Variants in TRPM2 observed in about 807,000 individuals in gnomAD.
TRPM2 encodes the protein estrogen-responsive element-associated gene 1 protein.
In TRPM2, 161 loss-of-function variants were observed where a neutral mutation model predicts 174.0. That is an observed-to-expected ratio of 0.93 (90% CI 0.81 to 1.05). The LOEUF (loss-of-function observed/expected upper bound fraction) is 1.05. TRPM2 is among the 50% of genes least tolerant of loss of function. The pLI, the probability that TRPM2 is intolerant of heterozygous loss-of-function variation, is 0.00. For synonymous variants in TRPM2, 954 were observed against 861.3 expected (o/e 1.11, Z -1.88); for missense variants, 2,057 against 2,038.0 (o/e 1.01, Z -0.18).
At position 44,439,033 on chromosome 21, in the gene TRPM2, CCT is replaced by C; in HGVS notation, c.4168-33_4168-32del. The C allele has an allele frequency of 6.3e-7, 1 of 1,584,886 alleles. No homozygotes were observed. Among genetic ancestry groups the C allele is most frequent in the Non-Finnish European group, 8.6e-7 (1 of 1,158,048 alleles). ...GCAGCCTGAGGTCCCGCTTCGGTGCCCTGTTGACCTGCCTCCGTCCTCTGTCT... is the reference window on the plus strand; with the variant it reads ...GCAGCCTGAGGTCCCGCTTCGGTGCCGTTGACCTGCCTCCGTCCTCTGTCT... On this transcript the variant is annotated intron_variant, in intron 29 of 31. Transcript: ENST00000397928. This position sits in a 1 kb window ranked among gnomAD's most constrained non-coding sequence, Gnocchi z 5.1.
chr21:44,414,004 G>T lies in TRPM2; in HGVS notation c.3076G>T (p.Val1026Phe). The T allele has an allele frequency of 6.2e-7, 1 of 1,613,812 alleles. No homozygotes were observed. Among genetic ancestry groups the T allele is most frequent in the South Asian group, 1.1e-5 (1 of 91,078 alleles). ...GCCGGCCTTCCCTGAGTGGCTGACG[G>T]TCCTCCTACTCTGCCTCTACCTGCT... Reference protein sequence around the residue: ...QRPAFPEWLTVLLLCLYLLFT... With the variant: ...QRPAFPEWLTFLLLCLYLLFT... Residue 1026 changes from valine (V) to phenylalanine (F), a missense_variant, in exon 20 of 32, where the codon GTC becomes TTC. Val to Phe is a conservative substitution (Grantham distance 50). Transcript: ENST00000397928.
intron 27 of TRPM2, among the ~76,000 whole-genome samples, chr21:44,428,733 C>T (rs1488855664): frequency 6.9e-6 from 1 of 145,378 alleles, no homozygotes; most frequent in Non-Finnish European, 1.5e-5. Context: ...AGGTGTGGCT[C>T]CTCCCCTTAG....
intron 2 of TRPM2, among the ~76,000 whole-genome samples, chr21:44,358,360 G>A (rs139434027): frequency 1.4e-5 from 2 of 147,264 alleles, no homozygotes; most frequent in South Asian, 2.1e-4. Flanking sequence ...CACATGCGGT[G>A]GGGGTGGGGA....
chr21:44,423,433 G>A lies in TRPM2; in HGVS notation c.3462-212G>A, dbSNP rs566337397. The A allele has an allele frequency of 5.5e-6, 3 of 547,202 alleles. No homozygotes were observed. The South Asian group carries it at 6.1e-5, about 11-fold the overall frequency. 33.9% of individuals were successfully genotyped at this position (547,202 alleles called of 1,614,324 possible). A position where few individuals can be genotyped will look rare whatever the true frequency, so the allele number is the denominator to read the frequency against. ...AGAGCTTGCCATGTGAGCCTCGGCT[G>A]TCCGTCTGCTGAGACATCTTCCCCT... On this transcript the variant is annotated intron_variant, in intron 22 of 31. Coordinates refer to ENST00000397928, the MANE Select transcript of TRPM2 (RefSeq NM_003307.4).
intron 26 of TRPM2, 85 bp downstream of exon 26, chr21:44,426,821 C>A: frequency 6.4e-7 from 1 of 1,551,310 alleles, no homozygotes. Flanking sequence ...CAGTCAGAGC[C>A]CAGCCCGGGG....
At chr21:44,365,708 C>T (rs1352668684) in intron 3 of TRPM2, among the ~76,000 whole-genome samples, 1 of 152,216 alleles carries the variant, frequency 6.6e-6, no homozygotes, top group Non-Finnish European at 1.5e-5. Flanking sequence ...CCTGCAGCTG[C>T]CGACAGGGGC....
intron 28 of TRPM2, 64 bp from the exon 29 acceptor site, chr21:44,436,990 AGCCCCGCC>A: frequency 1.4e-6 from 2 of 1,394,148 alleles, no homozygotes; most frequent in Non-Finnish European, 2.0e-6. Flanking sequence ...AGGCAGGGCC[AGCCCCGCC>A]GCGGCGCAGG....
upstream of TRPM2, chr21:44,350,307 C>G (rs1381298510): frequency 1.3e-5 from 2 of 150,350 alleles, no homozygotes; most frequent in East Asian, 2.0e-4. Context: ...GGCGAGGGCG[C>G]GAGCCCGGGT....
At position 44,399,298 on chromosome 21, in the gene TRPM2, G is replaced by A. The variant is rs775395064; in HGVS notation, c.2065G>A (p.Val689Ile). The A allele has an allele frequency of 1.2e-6, 2 of 1,612,176 alleles. No homozygotes were observed. The highest frequency in any genetic ancestry group is 2.2e-5 in the East Asian group (1 of 44,872). Residue 689 changes from valine to isoleucine, a missense_variant and splice_region_variant, in exon 14 of 32, where the codon GTC becomes ATC. Val to Ile is a conservative substitution (Grantham distance 29). Coordinates refer to ENST00000397928, the MANE Select transcript of TRPM2 (RefSeq NM_003307.4). This position sits in a 1 kb window ranked among gnomAD's most constrained non-coding sequence, Gnocchi z 4.6. The stretch of plus-strand genomic sequence containing the variant: ...GGGGCTCTCATATCTCCGCCCAGGG[G>A]TCTTCACCGAGTGCTACCGGAAGGA... ...AEEYEHRAIG[V>I]FTECYRKDEE...
chr21:44,400,752 C>A (rs1601156299), intron 15 of TRPM2, among the ~76,000 whole-genome samples: 1 of 32,732 alleles, frequency 3.1e-5, no homozygotes, highest in Non-Finnish European at 1.3e-4. Context: ...CTGAGTGCCT[C>A]CCTGTCCTCG....
chr21:44,381,843 G>A (rs1202760275), intron 8 of TRPM2, among the ~76,000 whole-genome samples: 5 of 151,700 alleles, frequency 3.3e-5, no homozygotes, highest in Admixed American at 1.3e-4. Context: ...GGAGGTGGAG[G>A]TTGCAGTGAC....
rs768286511 is a variant in TRPM2, at chr21:44,377,767, G to A, written c.1008G>A (p.Thr336=). 16 of 1,614,110 alleles carry A rather than the reference G, an allele frequency of 9.9e-6. No homozygotes were observed. Among genetic ancestry groups the A allele is most frequent in the East Asian group, 4.5e-5 (2 of 44,884 alleles). The part of the protein sequence containing the change: ...VCVVLEGGPG[T]LHTIDNATTN... ...TGGTGCTGGAGGGCGGCCCGGGCAC[G>A]TTGCACGTGAGTATGGCCAGGTGGG... Residue 336 remains threonine, a synonymous_variant, in exon 7 of 32, where the codon ACG becomes ACA. Transcript: ENST00000397928.
Position 44,376,066 on chromosome 21 carries a change from C to T in TRPM2, c.952+53C>T, listed in dbSNP as rs530502081. ...TGGGCAGAGAGCACAGTGGGCTGGT[C>T]AGAGTGTCAGGTACAGCTGGTCACG... is the stretch of plus-strand genomic sequence containing the variant. On this transcript the variant is annotated intron_variant, in intron 6 of 31. Transcript: ENST00000397928. The surrounding 1 kb of genome is among the most constrained non-coding windows in gnomAD (Gnocchi z 4.2). 104 of 1,583,264 alleles carry T rather than the reference C, an allele frequency of 6.6e-5. 2 individuals carry two copies. The South Asian group carries it at 1.2e-3, about 18-fold the overall frequency.
chr21:44,386,194 G>A (rs1030665232), intron 9 of TRPM2, among the ~76,000 whole-genome samples: 12 of 152,126 alleles, frequency 7.9e-5, no homozygotes, highest in African/African-American at 2.7e-4. Flanking sequence ...GACCATCCTG[G>A]CTAACATGGT....
At chr21:44,406,519 C>A in intron 18 of TRPM2, 75 bp from the exon 19 acceptor site, 3 of 1,501,052 alleles carry the variant, frequency 2.0e-6, no homozygotes, top group Non-Finnish European at 2.7e-6. Flanking sequence ...GTCTCCACCG[C>A]TGCTGGGCCT....
chr21:44,393,757 A>ATT (rs199858477), intron 11 of TRPM2, among the ~76,000 whole-genome samples: 6 of 134,700 alleles, frequency 4.5e-5, no homozygotes, highest in Non-Finnish European at 6.5e-5. Flanking sequence ...CTAAGATCAC[A>ATT]TTTTTTTTTT....
chr21:44,425,583 G>T, intron 24 of TRPM2, 87 bp from the exon 25 acceptor site: 1 of 1,378,450 alleles, frequency 7.3e-7, no homozygotes. Context: ...TGTTTTGGCG[G>T]AAGGACCACA....
chr21:44,389,767 A>G (rs1327866101), intron 9 of TRPM2, among the ~76,000 whole-genome samples: 1 of 151,892 alleles, frequency 6.6e-6, no homozygotes, highest in Non-Finnish European at 1.5e-5. Context: ...TGTAAGAGTT[A>G]TTTATATATT....
chr21:44,377,578 A>G, intron 6 of TRPM2, 134 bp from the exon 7 acceptor site: 4 of 1,179,496 alleles, frequency 3.4e-6, no homozygotes, highest in Non-Finnish European at 4.9e-6. Context: ...GGCAGGGGAG[A>G]GTGCCCTCAG....
Sources: gnomAD v4.1 joint callset for allele counts (sites outside exome capture counted in the v4.1 genomes callset) on GRCh38, gnomAD v4.1.1 for gene constraint, Gnocchi (gnomAD v3.1) non-coding constraint, MANE v1.5 for transcripts, NCBI Gene and HGNC (gene_info 2026-07-23, HGNC 2026-07-21) for gene names.